Variants in PGPEP1L observed in about 807,000 individuals in gnomAD.
PGPEP1L encodes pyroglutamyl-peptidase I like.
A neutral mutation model predicts 6.0 loss-of-function variants in PGPEP1L; 7 were observed. The ratio of observed to expected loss-of-function variants is 1.17; its 90% confidence interval spans 0.66 to 2.19. The LOEUF is 2.19. Ranked by LOEUF, PGPEP1L falls within the 30% of genes most tolerant of loss-of-function variation. The probability of loss-of-function intolerance (pLI) is 0.00; values close to 1 mark genes in which losing one functional copy is unlikely to be tolerated. For missense variants in PGPEP1L, 209 were observed against 192.5 expected (o/e 1.09, Z -0.51); for synonymous variants, 103 against 83.9 (o/e 1.23, Z -1.24).
At chr15:98,990,843 C>A (rs941482764) in intron 2 of PGPEP1L, among the ~76,000 whole-genome samples, 4 of 152,200 alleles carry the variant, frequency 2.6e-5, no homozygotes, top group Non-Finnish European at 4.4e-5. Context: ...GGAAACTGAA[C>A]AACCTGCTCC....
chr15:98,976,835 ATTATT>A (rs2017577231), intron 2 of PGPEP1L, among the ~76,000 whole-genome samples: 1 of 152,136 alleles, frequency 6.6e-6, no homozygotes, highest in African/African-American at 2.4e-5. Context: ...TTTACAGATT[ATTATT>A]TTATTTCACT....
At chr15:98,978,120 A>T (rs563561933) in intron 2 of PGPEP1L, among the ~76,000 whole-genome samples, 1 of 152,332 alleles carries the variant, frequency 6.6e-6, no homozygotes, top group South Asian at 2.1e-4. Flanking sequence ...CAGTGCCTGA[A>T]ATTTCACCTC....
At chr15:98,976,380 T>A (rs1302688679) in intron 2 of PGPEP1L, among the ~76,000 whole-genome samples, 1 of 152,152 alleles carries the variant, frequency 6.6e-6, no homozygotes, top group African/African-American at 2.4e-5. Context: ...TCAGGGATAA[T>A]AATTAAGTTG....
chr15:98,987,108 A>G (rs1031709270), intron 2 of PGPEP1L, among the ~76,000 whole-genome samples: 2 of 139,658 alleles, frequency 1.4e-5, no homozygotes, highest in African/African-American at 2.7e-5. Flanking sequence ...CGAGGTTGCA[A>G]TGAGCCAAGA....
chr15:99,005,119 G>A (rs1416029755), intron 2 of PGPEP1L, among the ~76,000 whole-genome samples: 3 of 152,140 alleles, frequency 2.0e-5, no homozygotes, highest in Non-Finnish European at 4.4e-5. Context: ...ACAGGTACCA[G>A]CCTCAGCTTC....
chr15:99,004,679 C>T (rs1480917320), intron 2 of PGPEP1L, among the ~76,000 whole-genome samples: 4 of 152,178 alleles, frequency 2.6e-5, no homozygotes, highest in Non-Finnish European at 5.9e-5. Flanking sequence ...GCTTACGCCA[C>T]TGCACTCTAG....
intron 2 of PGPEP1L, chr15:99,001,349 G>C (rs2017966097): frequency 4.4e-6 from 1 of 226,104 alleles, no homozygotes; most frequent in Non-Finnish European, 9.2e-6. Context: ...TGTCAGAAGA[G>C]GCACATCTAT....
chr15:98,988,421 C>T (rs1280421887), intron 2 of PGPEP1L, among the ~76,000 whole-genome samples: 8 of 152,112 alleles, frequency 5.3e-5, no homozygotes, highest in Non-Finnish European at 1.0e-4. Flanking sequence ...AAGGCCACTG[C>T]GGCCAGACTG....
chr15:98,986,182 C>G (rs1302883685), intron 2 of PGPEP1L, among the ~76,000 whole-genome samples: 16 of 152,090 alleles, frequency 1.1e-4, no homozygotes, highest in African/African-American at 3.9e-4. Flanking sequence ...CTTCAAAAAC[C>G]CTTAGAATTT....
intron 2 of PGPEP1L, among the ~76,000 whole-genome samples, chr15:98,989,548 A>C (rs2654969): frequency 6.6e-6 from 1 of 152,034 alleles, no homozygotes; most frequent in African/African-American, 2.4e-5. Flanking sequence ...CCAAGTTGGA[A>C]AACACTATTC....
rs776231473 is a variant in PGPEP1L at position 98,969,468 on chromosome 15, C to T, written c.166G>A (p.Ala56Thr). Residue 56 changes from alanine to threonine, a missense_variant, in exon 4 of 5, where the codon GCT (alanine) becomes ACT (threonine). Transcript: ENST00000535714. Reference sequence around the variant, plus strand: ...AAGATCACGTCGACACCCTCCACAGCTACGCGCTTGCAGACTGCCTTCATG... The same window carrying T: ...AAGATCACGTCGACACCCTCCACAGTTACGCGCTTGCAGACTGCCTTCATG... ...VCMKAVCKRVAVEGVDVIFSR... is the reference protein window; with the variant it reads ...VCMKAVCKRVTVEGVDVIFSR... The T allele has an allele frequency of 8.9e-5, 144 of 1,613,960 alleles. No individual in the cohort carries two copies. The highest frequency in any genetic ancestry group is 1.2e-4 in the Non-Finnish European group (142 of 1,179,922).
In PGPEP1L at chr15:98,969,708, CCAAA is replaced by C. The variant is rs1325515578; in HGVS notation, c.-18-61_-18-58del. 7.8e-5 allele frequency: 121 copies of C among 1,559,942 alleles called. No individual in the cohort carries two copies. In the East Asian group the frequency reaches 2.5e-3, roughly 32 times the overall value. ...AGGAAAACGAGGCCCACCCTGCTCA[CCAAA>C]TGTGCAGAAGGGGCCACTCCTTTTG... is the stretch of plus-strand genomic sequence containing the variant. On this transcript the variant is annotated intron_variant, in intron 3 of 4. Transcript: ENST00000535714.
intron 2 of PGPEP1L, among the ~76,000 whole-genome samples, chr15:98,995,505 C>G (rs1474025275): frequency 6.6e-6 from 1 of 152,152 alleles, no homozygotes; most frequent in Non-Finnish European, 1.5e-5. Context: ...CGAGACCAGC[C>G]TGGCCAACAT....
chr15:98,994,672 C>G (rs1456301098), intron 2 of PGPEP1L, among the ~76,000 whole-genome samples: 1 of 152,194 alleles, frequency 6.6e-6, no homozygotes, highest in African/African-American at 2.4e-5. Context: ...CTCACTACCC[C>G]TCCTTGCATT....
chr15:98,999,927 G>A (rs1446237544), intron 2 of PGPEP1L, among the ~76,000 whole-genome samples: 1 of 152,258 alleles, frequency 6.6e-6, no homozygotes, highest in Non-Finnish European at 1.5e-5. Context: ...CCCCTCCTGT[G>A]CCTGGGCTCC....
intron 4 of PGPEP1L, 119 bp from the exon 5 acceptor site, chr15:98,968,816 G>A (rs2017444827): frequency 1.1e-6 from 1 of 888,658 alleles, no homozygotes. Context: ...GCCACCCAAG[G>A]GAGACTTGTG....
intron 2 of PGPEP1L, among the ~76,000 whole-genome samples, chr15:98,972,253 T>C (rs2017507097): frequency 6.6e-6 from 1 of 152,094 alleles, no homozygotes. Flanking sequence ...CTTGGGATGC[T>C]AAGGCAGGAG....
chr15:98,974,528 G>C (rs1187120162), intron 2 of PGPEP1L, among the ~76,000 whole-genome samples: 1 of 152,168 alleles, frequency 6.6e-6, no homozygotes, highest in Admixed American at 6.5e-5. Flanking sequence ...GAAAAGCCCA[G>C]AACCTGATGG....
chr15:98,998,831 A>G (rs952292598), intron 2 of PGPEP1L, among the ~76,000 whole-genome samples: 4 of 152,208 alleles, frequency 2.6e-5, no homozygotes, highest in Non-Finnish European at 5.9e-5. Flanking sequence ...TACAAAAATT[A>G]GCCAGACATG....
Sources: allele counts gnomAD v4.1 joint callset (sites outside exome capture counted in the v4.1 genomes callset), GRCh38; gene constraint gnomAD v4.1.1; transcripts MANE v1.5; gene names NCBI Gene and HGNC (gene_info 2026-07-23, HGNC 2026-07-21).